Variants in CLPTM1L observed in about 807,000 individuals in gnomAD.
The protein encoded by CLPTM1L is lipid scramblase CLPTM1L.
Under a neutral mutation model 70.9 loss-of-function variants are expected in CLPTM1L, and 38 were observed. That is an observed-to-expected ratio of 0.54 (90% CI 0.41 to 0.70). The LOEUF is 0.70. Ranked by LOEUF, CLPTM1L falls within the 30% of genes least tolerant of loss-of-function variation. CLPTM1L has a pLI of 0.00. For synonymous variants in CLPTM1L, 339 were observed against 299.9 expected (o/e 1.13, Z -1.35); for missense variants, 652 against 705.9 (o/e 0.92, Z 0.87).
Position 1,337,987 on chromosome 5 carries a change from G to A in CLPTM1L, c.600-5C>T. On this transcript the variant is annotated splice_region_variant and splice_polypyrimidine_tract_variant and intron_variant, in intron 4 of 16. Coordinates refer to ENST00000320895, the MANE Select transcript of CLPTM1L (RefSeq NM_030782.5). ...ACGGTTTTCCCCAGCTGGATCCTGG[G>A]ATTAAAGCACAACTTTCCAAAGTCA... The A allele has an allele frequency of 6.2e-7, 1 of 1,601,896 alleles. No homozygotes were observed. Among genetic ancestry groups the A allele is most frequent in the Non-Finnish European group, 8.5e-7 (1 of 1,175,356 alleles).
At position 1,318,732 on chromosome 5, in the gene CLPTM1L, G is replaced by C. The variant is rs1475119945; in HGVS notation, c.1533-279C>G. Among the ~76,000 whole-genome samples the C allele has an allele frequency of 6.6e-6, 1 of 152,002 alleles. No homozygotes were observed. Among genetic ancestry groups the C allele is most frequent in the African/African-American group, 2.4e-5 (1 of 41,370 alleles). ...TGCACGGGCTGCCATGGCTGAAGGG[G>C]GGACCCGGAGGCTGCACGGGCTGCC... On this transcript the variant is annotated intron_variant, in intron 16 of 16. Coordinates refer to ENST00000320895, the MANE Select transcript of CLPTM1L (RefSeq NM_030782.5). This position sits in a 1 kb window ranked among gnomAD's most constrained non-coding sequence, Gnocchi z 8.9.
intron 15 of CLPTM1L, among the ~76,000 whole-genome samples, chr5:1,321,092 G>A (rs1482212915): frequency 6.6e-6 from 1 of 152,176 alleles, no homozygotes; most frequent in Non-Finnish European, 1.5e-5. Context: ...CCACAGCCAA[G>A]GGGAGAGCCA....
intron 9 of CLPTM1L, among the ~76,000 whole-genome samples, chr5:1,327,774 G>A (rs1368998512): frequency 7.4e-4 from 79 of 106,892 alleles, no homozygotes; most frequent in East Asian, 2.5e-3. Context: ...TCCTCTACAG[G>A]GACATTCCAC....
rs1378595775 is a variant in CLPTM1L at position 1,318,324 on chromosome 5, T to C, written c.*45A>G. Reference sequence around the variant, plus strand: ...CTCCAAATGCTTCCAAAAATACTCATTGACAATTCAAGTTGCACTTGGCTG... The same window carrying C: ...CTCCAAATGCTTCCAAAAATACTCACTGACAATTCAAGTTGCACTTGGCTG... On this transcript the variant is annotated 3_prime_UTR_variant, in exon 17 of 17. Transcript: ENST00000320895. This position sits in a 1 kb window ranked among gnomAD's most constrained non-coding sequence, Gnocchi z 8.9. The C allele has an allele frequency of 5.5e-6, 8 of 1,465,948 alleles. No individual in the cohort carries two copies. Among genetic ancestry groups the C allele is most frequent in the Admixed American group, 1.7e-5 (1 of 58,842 alleles). 90.8% of individuals were successfully genotyped at this position (1,465,948 alleles called of 1,614,324 possible). A position where few individuals can be genotyped will look rare whatever the true frequency, so the allele number is the denominator to read the frequency against.
intron 9 of CLPTM1L, among the ~76,000 whole-genome samples, chr5:1,328,499 A>C (rs1263779768): frequency 2.1e-5 from 3 of 144,362 alleles, no homozygotes; most frequent in Non-Finnish European, 3.0e-5. Flanking sequence ...CCTCCTCTAC[A>C]GACACATTTC....
At chr5:1,343,327 T>C (rs986496209) in intron 2 of CLPTM1L, among the ~76,000 whole-genome samples, 1 of 152,138 alleles carries the variant, frequency 6.6e-6, no homozygotes, top group Non-Finnish European at 1.5e-5. Context: ...TGCAGGGCTG[T>C]GTATTTCTGG....
rs755815217 is a variant in CLPTM1L, at chr5:1,320,547, G to A, written c.1532+69C>T. ...ACAGGCGCAGGGTGCGGTGAAAGCC[G>A]TCATTCCGTTCAGCAGCAGCCACGC... On this transcript the variant is annotated intron_variant, in intron 16 of 16. Transcript: ENST00000320895. 116 of 825,768 alleles carry A rather than the reference G, an allele frequency of 1.4e-4. 1 individual carries two copies. In the East Asian group the frequency reaches 2.6e-3, roughly 19 times the overall value. 51.2% of individuals were successfully genotyped at this position (825,768 alleles called of 1,614,324 possible).
In CLPTM1L at chr5:1,324,722, T is replaced by C. The variant is rs1219924030; in HGVS notation, c.1197+41A>G. The C allele has an allele frequency of 4.4e-6, 7 of 1,583,684 alleles. No individual in the cohort carries two copies. In the Admixed American group the frequency reaches 6.7e-5, roughly 15 times the overall value. On this transcript the variant is annotated intron_variant, in intron 11 of 16. Coordinates refer to ENST00000320895, the MANE Select transcript of CLPTM1L (RefSeq NM_030782.5). Reference sequence around the variant, plus strand: ...AAGACCCGTCTTTGAGGGTGTTGGATTTGCCTGGCATGCACGTGCCCTGAA... The same window carrying C: ...AAGACCCGTCTTTGAGGGTGTTGGACTTGCCTGGCATGCACGTGCCCTGAA...
intron 9 of CLPTM1L, among the ~76,000 whole-genome samples, chr5:1,328,325 GGA>G (rs1752774600): frequency 3.7e-5 from 2 of 54,286 alleles, no homozygotes; most frequent in Non-Finnish European, 7.8e-5. Flanking sequence ...ACTCCTCTAC[GGA>G]CACATTTCAT....
rs535601132 is a variant in CLPTM1L, at chr5:1,344,818, G to A, written c.24C>T (p.Phe8=). 2.7e-5 allele frequency: 42 copies of A among 1,584,428 alleles called. No individual in the cohort carries two copies. The South Asian group carries it at 4.1e-4, about 16-fold the overall frequency. ...CGAACACGCCCACCACCAAGCTGGT[G>A]AAGGAGCTGCGGCCGCTCCACATGG... MWSGRSS[F]TSLVVGVFVV... The change falls in exon 1 of 17, where the codon TTC becomes TTT. Residue 8 remains phenylalanine (F), a synonymous_variant. Transcript: ENST00000320895.
intron 7 of CLPTM1L, among the ~76,000 whole-genome samples, chr5:1,332,842 T>C (rs538023589): frequency 2.6e-4 from 39 of 152,254 alleles, no homozygotes; most frequent in African/African-American, 8.9e-4. Context: ...CATTACGTTA[T>C]TTGATACACA....
Position 1,335,045 on chromosome 5 carries a change from T to G in CLPTM1L, c.796+12A>C, listed in dbSNP as rs767728138. 3.7e-6 allele frequency: 6 copies of G among 1,608,896 alleles called. No individual in the cohort carries two copies. In the Admixed American group the frequency reaches 1.0e-4, roughly 27 times the overall value. ...CGGCCTCACCCAGGCGCCGGCCGTG[T>G]GCGGCACATACCGAACTGCTGCAGG... On this transcript the variant is annotated intron_variant, in intron 6 of 16. Transcript: ENST00000320895.
At chr5:1,335,684 G>A (rs1360353435) in intron 5 of CLPTM1L, among the ~76,000 whole-genome samples, 2 of 152,236 alleles carry the variant, frequency 1.3e-5, no homozygotes, top group African/African-American at 4.8e-5. Flanking sequence ...CTTCTGGAAC[G>A]CAAAGCTAGC....
intron 8 of CLPTM1L, 48 bp from the exon 9 acceptor site, chr5:1,330,431 C>A (rs373065633): frequency 1.3e-6 from 2 of 1,492,224 alleles, no homozygotes; most frequent in Non-Finnish European, 1.9e-6. Flanking sequence ...GCAGACCCCA[C>A]CTGTGTTCCC....
chr5:1,329,478 ACT>A (rs1392699455), intron 9 of CLPTM1L, among the ~76,000 whole-genome samples: 5 of 136,418 alleles, frequency 3.7e-5, no homozygotes, highest in South Asian at 2.4e-4. Flanking sequence ...GGGCCTCAGG[ACT>A]CTCTGCTTGG....
chr5:1,321,356 C>T (rs1752142773), intron 15 of CLPTM1L, among the ~76,000 whole-genome samples: 1 of 152,206 alleles, frequency 6.6e-6, no homozygotes, highest in Non-Finnish European at 1.5e-5. Flanking sequence ...GGGTCTGTGT[C>T]TTGACACATG....
At chr5:1,330,209 G>T (rs1373630940) in intron 9 of CLPTM1L, 71 bp downstream of exon 9, 1 of 1,282,634 alleles carries the variant, frequency 7.8e-7, no homozygotes, top group Non-Finnish European at 1.1e-6. Context: ...AGGTCCCGGG[G>T]CTGAAAGCCT....
At chr5:1,344,563 G>C in intron 1 of CLPTM1L, 112 bp from the exon 2 acceptor site, 1 of 1,451,732 alleles carries the variant, frequency 6.9e-7, no homozygotes, top group Non-Finnish European at 9.5e-7. Context: ...ACCAGGAAAG[G>C]TTCCATCTCG....
chr5:1,338,875 T>G lies in CLPTM1L; in HGVS notation c.584A>C (p.His195Pro). ...CCCCACTTACATCTTCATGTACCGA[T>G]GCACATCGGCAGGCAGGGAGGACCC... Reference protein sequence around the residue: ...FDGSSLPADVHRYMKMIQLGK... With the variant: ...FDGSSLPADVPRYMKMIQLGK... Residue 195 changes from histidine (H) to proline (P), a missense_variant, in exon 4 of 17, where the codon CAT becomes CCT. Transcript: ENST00000320895. 1 of 1,613,282 alleles carries G rather than the reference T, an allele frequency of 6.2e-7. No individual in the cohort carries two copies. The highest frequency in any genetic ancestry group is 8.5e-7 in the Non-Finnish European group (1 of 1,180,038).
Sources: allele counts gnomAD v4.1 joint callset (sites outside exome capture counted in the v4.1 genomes callset), GRCh38; gene constraint gnomAD v4.1.1; non-coding constraint Gnocchi (gnomAD v3.1); transcripts MANE v1.5; gene names NCBI Gene and HGNC (gene_info 2026-07-23, HGNC 2026-07-21).